HTR1F: variants seen among roughly 807,000 people sequenced by gnomAD.
The protein encoded by HTR1F is 5-hydroxytryptamine (serotonin) receptor 1F, G protein-coupled.
A neutral mutation model predicts 24.0 loss-of-function variants in HTR1F; 17 were observed. The observed-to-expected ratio is 0.71, with a 90% CI of 0.48 to 1.06. HTR1F has a LOEUF of 1.06. HTR1F is among the 50% of genes least tolerant of loss of function. The pLI is 0.00. For synonymous variants in HTR1F, 186 were observed against 156.8 expected (o/e 1.19, Z -1.39); for missense variants, 391 against 427.8 (o/e 0.91, Z 0.76).
chr3:87,829,837 T>C (rs891420567), intron 2 of HTR1F, among the ~76,000 whole-genome samples: 1 of 152,232 alleles, frequency 6.6e-6, no homozygotes, highest in Non-Finnish European at 1.5e-5. Flanking sequence ...CAAAGGTATA[T>C]ACAATTTGTA....
Position 87,850,103 on chromosome 3 carries a change from A to G in HTR1F, c.-43+27979A>G, listed in dbSNP as rs546560818. Among the ~76,000 whole-genome samples, 6 of 152,122 alleles carry G rather than the reference A, an allele frequency of 3.9e-5. No individual in the cohort carries two copies. In the South Asian group the frequency reaches 1.0e-3, roughly 26 times the overall value. Reference sequence around the variant, plus strand: ...TACCGTTTGACCCAGCCATCCCATTACTGGGTATATACCCAAAGGATTATA... The same window carrying G: ...TACCGTTTGACCCAGCCATCCCATTGCTGGGTATATACCCAAAGGATTATA... On this transcript the variant is annotated intron_variant, in intron 2 of 2. Coordinates refer to ENST00000319595, the MANE Select transcript of HTR1F (RefSeq NM_001322209.2).
chr3:87,902,360 T>C (rs953892465), intron 2 of HTR1F, among the ~76,000 whole-genome samples: 2 of 152,118 alleles, frequency 1.3e-5, no homozygotes, highest in East Asian at 1.9e-4. Context: ...TTTAATTTCA[T>C]TGGGGAGGAA....
rs889940982 is a variant in HTR1F, at chr3:87,889,991, A to T, written c.-43+67867A>T. On this transcript the variant is annotated intron_variant, in intron 2 of 2. Transcript: ENST00000319595. ...TATTTCCTGGTATAAAATTGTCAAA[A>T]GACACAAAAGTGATCTTAGGATTTC... Among the ~76,000 whole-genome samples, 7 of 152,328 alleles carry T rather than the reference A, an allele frequency of 4.6e-5. No homozygotes were observed. The South Asian group carries it at 6.2e-4, about 14-fold the overall frequency.
chr3:87,880,481 C>T (rs1275347085), intron 2 of HTR1F, among the ~76,000 whole-genome samples: 1 of 151,916 alleles, frequency 6.6e-6, no homozygotes, highest in Non-Finnish European at 1.5e-5. Context: ...GTATTAGAAA[C>T]CTGGTATAAA....
chr3:87,846,713 T>C (rs1704953828), intron 2 of HTR1F, among the ~76,000 whole-genome samples: 3 of 152,086 alleles, frequency 2.0e-5, no homozygotes, highest in Admixed American at 2.0e-4. Flanking sequence ...TATAATAAGT[T>C]GCTTCTGTTG....
At chr3:87,828,291 A>G (rs904684583) in intron 2 of HTR1F, among the ~76,000 whole-genome samples, 18 of 152,210 alleles carry the variant, frequency 1.2e-4, no homozygotes, top group African/African-American at 4.3e-4. Flanking sequence ...TGGGAGTGTC[A>G]TTCACGTTCG....
At chr3:87,817,886 C>G (rs1355696233) in intron 1 of HTR1F, among the ~76,000 whole-genome samples, 2 of 152,204 alleles carry the variant, frequency 1.3e-5, no homozygotes, top group East Asian at 3.9e-4. Flanking sequence ...TAAAGCACAG[C>G]TCTATCAAAT....
At chr3:87,909,792 G>T (rs2163421) in intron 2 of HTR1F, among the ~76,000 whole-genome samples, 13,603 of 151,926 alleles carry the variant, frequency 0.09, 1,909 homozygotes, top group African/African-American at 0.3. Flanking sequence ...TATTTTCAAG[G>T]TCTCTCAGTT....
At chr3:87,869,173 G>C (rs1260292357) in intron 2 of HTR1F, among the ~76,000 whole-genome samples, 2 of 151,862 alleles carry the variant, frequency 1.3e-5, no homozygotes. Context: ...TAATAGAAAA[G>C]CTTTATAATG....
chr3:87,824,406 T>G (rs1002395140), intron 2 of HTR1F, among the ~76,000 whole-genome samples: 1 of 152,192 alleles, frequency 6.6e-6, no homozygotes, highest in Non-Finnish European at 1.5e-5. Context: ...CAAGCTTGTT[T>G]ATGTAAAACA....
In HTR1F at chr3:87,931,364, C is replaced by A. The variant is rs1446197160; in HGVS notation, c.-42-59344C>A. Among the ~76,000 whole-genome samples the A allele has an allele frequency of 2.0e-5, 3 of 152,180 alleles. No individual in the cohort carries two copies. The East Asian group carries it at 5.8e-4, about 29-fold the overall frequency. On this transcript the variant is annotated intron_variant, in intron 2 of 2. Transcript: ENST00000319595. ...ATTTCCAATTTCATCCATGTCCCTA[C>A]AAAGGACGTGAACTCATCATTTCTT... is the stretch of plus-strand genomic sequence containing the variant.
At chr3:87,856,623 T>C (rs1705204833) in intron 2 of HTR1F, among the ~76,000 whole-genome samples, 1 of 152,164 alleles carries the variant, frequency 6.6e-6, no homozygotes, top group Non-Finnish European at 1.5e-5. Flanking sequence ...GTAAAGAATT[T>C]CTTCCAACAG....
At chr3:87,903,735 G>A (rs1417993807) in intron 2 of HTR1F, among the ~76,000 whole-genome samples, 1 of 152,098 alleles carries the variant, frequency 6.6e-6, no homozygotes, top group East Asian at 1.9e-4. Context: ...CAGGGATCTA[G>A]AACTAGAAAT....
intron 2 of HTR1F, among the ~76,000 whole-genome samples, chr3:87,882,955 C>T (rs766772344): frequency 6.6e-6 from 1 of 152,128 alleles, no homozygotes; most frequent in African/African-American, 2.4e-5. Context: ...AGTGGTCCTC[C>T]CAGGATGGCG....
rs192349311 is a variant in HTR1F, at chr3:87,928,904, G to A, written c.-42-61804G>A. ...TACCAAGAAAGCCATCAGTGAAAAA[G>A]AGCTGTCTGAGTCTAAAAGCTAGTC... On this transcript the variant is annotated intron_variant, in intron 2 of 2. Transcript: ENST00000319595. Among the ~76,000 whole-genome samples, 664 of 152,242 alleles carry A rather than the reference G, an allele frequency of 4.4e-3. 3 individuals carry two copies. Among genetic ancestry groups the A allele is most frequent in the Non-Finnish European group, 6.0e-3 (407 of 68,020 alleles).
At chr3:87,803,870 A>G (rs2107076124) in intron 1 of HTR1F, among the ~76,000 whole-genome samples, 1 of 152,272 alleles carries the variant, frequency 6.6e-6, no homozygotes, top group South Asian at 2.1e-4. Flanking sequence ...CGTTATCTTC[A>G]AGGGTGGACA....
intron 2 of HTR1F, among the ~76,000 whole-genome samples, chr3:87,838,070 G>A (rs1241328168): frequency 2.0e-5 from 3 of 151,964 alleles, no homozygotes; most frequent in Non-Finnish European, 2.9e-5. Context: ...AAGTTCTCTT[G>A]AGAGAAACCA....
chr3:87,919,503 C>A (rs1576029874), intron 2 of HTR1F, among the ~76,000 whole-genome samples: 1 of 151,844 alleles, frequency 6.6e-6, no homozygotes, highest in African/African-American at 2.4e-5. Context: ...CCAGAATCTA[C>A]AACGAACTCA....
chr3:87,952,595 T>A (rs573361925), intron 2 of HTR1F, among the ~76,000 whole-genome samples: 1 of 152,020 alleles, frequency 6.6e-6, no homozygotes, highest in East Asian at 1.9e-4. Context: ...GGAAATGATA[T>A]CTTCACGTAG....
Sources: allele counts gnomAD v4.1 joint callset (sites outside exome capture counted in the v4.1 genomes callset), GRCh38; gene constraint gnomAD v4.1.1; transcripts MANE v1.5; gene names NCBI Gene and HGNC (gene_info 2026-07-23, HGNC 2026-07-21).